The following LMX1A variants were observed in gnomAD, a reference collection of about 807,000 sequenced individuals.
LMX1A encodes LIM homeobox transcription factor 1-alpha.
A neutral mutation model predicts 49.1 loss-of-function variants in LMX1A; 15 were observed. The observed-to-expected ratio is 0.31, with a 90% CI of 0.20 to 0.47. The LOEUF (loss-of-function observed/expected upper bound fraction) is 0.47. Among genes scored for constraint, LMX1A ranks in the 20% least tolerant of loss-of-function variants. The pLI is 1.00. For missense variants in LMX1A, 372 were observed against 475.8 expected (o/e 0.78, Z 2.03); for synonymous variants, 167 against 185.7 (o/e 0.90, Z 0.82).
At chr1:165,206,361 T>A (rs1297703893) in intron 7 of LMX1A, among the ~76,000 whole-genome samples, 1 of 152,188 alleles carries the variant, frequency 6.6e-6, no homozygotes, top group Non-Finnish European at 1.5e-5. Flanking sequence ...AAGTGGGAGT[T>A]GTGACCAGTT....
At chr1:165,335,653 G>A (rs1340127395) in intron 3 of LMX1A, among the ~76,000 whole-genome samples, 3 of 152,042 alleles carry the variant, frequency 2.0e-5, no homozygotes, top group Admixed American at 6.6e-5. Context: ...TAACAAATTT[G>A]CTAATTATTT....
chr1:165,338,622 T>C (rs1655973049), intron 3 of LMX1A, among the ~76,000 whole-genome samples: 1 of 152,330 alleles, frequency 6.6e-6, no homozygotes, highest in South Asian at 2.1e-4. Flanking sequence ...TACCCAAGTC[T>C]CCCTTCTAGC....
chr1:165,282,389 C>A lies in LMX1A; in HGVS notation c.264-32749G>T, dbSNP rs192027348. ...AGTATGTGCATGTAACCTACGCACA[C>A]CCTTCTGTATACTTTCATTCTTCTC... On this transcript the variant is annotated intron_variant, in intron 3 of 8. Coordinates refer to ENST00000342310, the MANE Select transcript of LMX1A (RefSeq NM_177398.4). Among the ~76,000 whole-genome samples, 145 of 152,292 alleles carry A rather than the reference C, an allele frequency of 9.5e-4. 1 individual carries two copies. The highest frequency in any genetic ancestry group is 3.3e-3 in the African/African-American group (136 of 41,564).
At chr1:165,331,607 G>T (rs113379111) in intron 3 of LMX1A, among the ~76,000 whole-genome samples, 22 of 152,138 alleles carry the variant, frequency 1.4e-4, no homozygotes, top group Non-Finnish European at 2.6e-4. Context: ...ATAAATAGAA[G>T]TTTTCAAATC....
intron 3 of LMX1A, among the ~76,000 whole-genome samples, chr1:165,267,293 T>C (rs1653656798): frequency 6.6e-6 from 1 of 152,204 alleles, no homozygotes. Context: ...CTTAGCACAA[T>C]GTTTTCTAGG....
At chr1:165,336,111 A>G (rs751633484) in intron 3 of LMX1A, among the ~76,000 whole-genome samples, 2 of 152,138 alleles carry the variant, frequency 1.3e-5, no homozygotes, top group South Asian at 4.2e-4. Flanking sequence ...ATGTAAAGAG[A>G]TAGTGCCTGC....
At position 165,355,455 on chromosome 1, in the gene LMX1A, C is replaced by T. The variant is rs760214634; in HGVS notation, c.76+29G>A. The T allele has an allele frequency of 3.5e-5, 57 of 1,609,412 alleles. No individual in the cohort carries two copies. The highest frequency in any genetic ancestry group is 3.0e-4 in the South Asian group (27 of 90,650). On this transcript the variant is annotated intron_variant, in intron 2 of 8. Coordinates refer to ENST00000342310, the MANE Select transcript of LMX1A (RefSeq NM_177398.4). The surrounding 1 kb of genome is among the most constrained non-coding windows in gnomAD (Gnocchi z 4.7). ...CTCAGCGCCAAGCGGAAAGAGAGTG[C>T]GCCCAGGACGCACGGCCTGAACACT... is the stretch of plus-strand genomic sequence containing the variant.
At chr1:165,275,190 A>T (rs573043542) in intron 3 of LMX1A, among the ~76,000 whole-genome samples, 36 of 152,346 alleles carry the variant, frequency 2.4e-4, no homozygotes, top group Admixed American at 2.0e-4. Flanking sequence ...TGAAGTGCAC[A>T]GAACTCAACT....
intron 4 of LMX1A, chr1:165,216,277 A>G (rs544319876): frequency 3.9e-5 from 6 of 152,342 alleles, no homozygotes; most frequent in Admixed American, 3.3e-4. Context: ...ACAGGAGGAT[A>G]AAAGGTAGAA....
intron 3 of LMX1A, among the ~76,000 whole-genome samples, chr1:165,272,452 C>A (rs913045679): frequency 6.6e-6 from 1 of 152,128 alleles, no homozygotes; most frequent in Non-Finnish European, 1.5e-5. Context: ...TGGAAGAGAC[C>A]CTCATTGCTT....
chr1:165,273,181 A>G (rs890585429), intron 3 of LMX1A, among the ~76,000 whole-genome samples: 3 of 152,178 alleles, frequency 2.0e-5, no homozygotes, highest in Non-Finnish European at 2.9e-5. Context: ...TGGCTGACAG[A>G]GAACTCTTTC....
At chr1:165,269,534 C>T (rs1011778490) in intron 3 of LMX1A, among the ~76,000 whole-genome samples, 12 of 152,130 alleles carry the variant, frequency 7.9e-5, no homozygotes, top group African/African-American at 2.9e-4. Flanking sequence ...CCCAGCAATC[C>T]CATTACTGGG....
At chr1:165,204,997 AT>A (rs147850026) in intron 8 of LMX1A, among the ~76,000 whole-genome samples, 4,204 of 151,868 alleles carry the variant, frequency 0.028, 85 homozygotes, top group South Asian at 0.055. Flanking sequence ...TAACAACAGA[AT>A]TTTTTTTCAT....
At chr1:165,247,242 T>C (rs1408852242) in intron 4 of LMX1A, among the ~76,000 whole-genome samples, 7 of 152,132 alleles carry the variant, frequency 4.6e-5, no homozygotes, top group Non-Finnish European at 7.4e-5. Context: ...TTTATTTCCA[T>C]GTGAGAAAGC....
chr1:165,266,230 C>T (rs1363212198), intron 3 of LMX1A, among the ~76,000 whole-genome samples: 1 of 152,162 alleles, frequency 6.6e-6, no homozygotes, highest in Non-Finnish European at 1.5e-5. Context: ...GGAGGAGTTA[C>T]AATTTTCCCT....
At chr1:165,304,878 T>G (rs1377442490) in intron 3 of LMX1A, among the ~76,000 whole-genome samples, 1 of 152,184 alleles carries the variant, frequency 6.6e-6, no homozygotes, top group Non-Finnish European at 1.5e-5. Flanking sequence ...CCAAATCTGC[T>G]CAGGCATCAT....
At chr1:165,224,790 G>T (rs1651976254) in intron 4 of LMX1A, among the ~76,000 whole-genome samples, 1 of 152,190 alleles carries the variant, frequency 6.6e-6, no homozygotes, top group Non-Finnish European at 1.5e-5. Flanking sequence ...ATTCACCAAT[G>T]CCAACCAGTA....
At chr1:165,312,883 T>C (rs1199008034) in intron 3 of LMX1A, among the ~76,000 whole-genome samples, 1 of 152,170 alleles carries the variant, frequency 6.6e-6, no homozygotes, top group Non-Finnish European at 1.5e-5. Flanking sequence ...TGGTTTGTTA[T>C]GTGCCAATGA....
At chr1:165,248,505 C>T (rs1458049478) in intron 4 of LMX1A, among the ~76,000 whole-genome samples, 1 of 152,178 alleles carries the variant, frequency 6.6e-6, no homozygotes, top group East Asian at 1.9e-4. Flanking sequence ...TTAATGTAGT[C>T]AGTGTTAATT....
Sources: gnomAD v4.1 joint callset for allele counts (sites outside exome capture counted in the v4.1 genomes callset) on GRCh38, gnomAD v4.1.1 for gene constraint, Gnocchi (gnomAD v3.1) non-coding constraint, MANE v1.5 for transcripts, NCBI Gene and HGNC (gene_info 2026-07-23, HGNC 2026-07-21) for gene names.